Variants in PDYN observed in about 807,000 individuals in gnomAD.
The protein encoded by PDYN is prodynorphin, also known as proenkephalin-B.
A neutral mutation model predicts 11.4 loss-of-function variants in PDYN; 5 were observed. That is an observed-to-expected ratio of 0.44 (90% CI 0.23 to 0.92). The LOEUF is 0.92. PDYN is among the 40% of genes least tolerant of loss of function. PDYN has a pLI of 0.24. For missense variants in PDYN, 337 were observed against 317.3 expected (o/e 1.06, Z -0.47); for synonymous variants, 132 against 129.5 (o/e 1.02, Z -0.13).
In PDYN at chr20:1,980,501, T is replaced by C; in HGVS notation, c.587A>G (p.Asp196Gly). The C allele has an allele frequency of 6.2e-7, 1 of 1,612,714 alleles. No individual in the cohort carries two copies. Among genetic ancestry groups the C allele is most frequent in the Non-Finnish European group, 8.5e-7 (1 of 1,179,192 alleles). ...SSEVAGEGDG[D>G]SMGHEDLYKR... is the part of the protein sequence containing the mutation. ...GTACAGGTCCTCATGGCCCATGCTATCCCCGTCCCCCTCCCCAGCCACCTC... is the reference window on the plus strand; with the variant it reads ...GTACAGGTCCTCATGGCCCATGCTACCCCCGTCCCCCTCCCCAGCCACCTC... The change falls in exon 4 of 4, where the codon GAT (aspartate) becomes GGT (glycine). Residue 196 changes from aspartate to glycine, a missense_variant. By Grantham distance (94) the Asp-to-Gly change is moderately conservative. Coordinates refer to ENST00000217305, the MANE Select transcript of PDYN (RefSeq NM_024411.5).
chr20:1,993,249 G>C (rs1988528034), intron 1 of PDYN, among the ~76,000 whole-genome samples: 1 of 152,002 alleles, frequency 6.6e-6, no homozygotes, highest in Admixed American at 6.6e-5. Flanking sequence ...AAATGGACAA[G>C]AAAATGCCTG....
At chr20:1,983,172 C>G (rs945899138) in intron 2 of PDYN, 69 bp from the exon 3 acceptor site, 32 of 1,365,848 alleles carry the variant, frequency 2.3e-5, no homozygotes, top group Non-Finnish European at 3.2e-5. Context: ...TCTGAGCCCA[C>G]AAAGTCATCT....
rs754978602 is a variant in PDYN, at chr20:1,980,435, A to G, written c.653T>C (p.Leu218Pro). 4 of 1,614,024 alleles carry G rather than the reference A, an allele frequency of 2.5e-6. No homozygotes were observed. The highest frequency in any genetic ancestry group is 1.6e-4 in the Middle Eastern group (1 of 6,062). The change falls in exon 4 of 4, where the codon CTC (leucine) becomes CCC (proline). Residue 218 changes from leucine (L) to proline (P), a missense_variant. Physicochemically the swap from Leu to Pro is moderately conservative, Grantham distance 98. Coordinates refer to ENST00000217305, the MANE Select transcript of PDYN (RefSeq NM_024411.5). ...ATAGCGCTTCTGGTTGTCCCACTTG[A>G]GCTTGGGACGAATGCGCCGCAAGAA... is the stretch of plus-strand genomic sequence containing the variant. ...GGFLRRIRPK[L>P]KWDNQKRYGG...
chr20:1,982,114 G>A (rs559584781), intron 3 of PDYN, among the ~76,000 whole-genome samples: 71 of 151,668 alleles, frequency 4.7e-4, no homozygotes, highest in African/African-American at 1.2e-3. Context: ...AAAATTAGCC[G>A]GGTGTGGTGG....
At chr20:1,992,390 C>T (rs372554008) in intron 2 of PDYN, among the ~76,000 whole-genome samples, 194 bp downstream of exon 2, 3 of 152,322 alleles carry the variant, frequency 2.0e-5, no homozygotes. Context: ...GAGCTGATCC[C>T]TTTGCCTGCT....
intron 2 of PDYN, among the ~76,000 whole-genome samples, chr20:1,987,873 G>A (rs577076364): frequency 1.8e-3 from 273 of 152,326 alleles, no homozygotes; most frequent in African/African-American, 5.8e-3. Context: ...CACATAGTAG[G>A]TGCTTTGGAG....
Position 1,979,061 on chromosome 20 carries a change from A to T in PDYN, c.*1262T>A, listed in dbSNP as rs1451914143. 6.6e-6 allele frequency: 1 copy of T among 152,182 alleles called. No homozygotes were observed. The highest frequency in any genetic ancestry group is 2.4e-5 in the African/African-American group (1 of 41,432). The allele number at this position is 152,182 out of a possible 1,614,324, so 9.4% of individuals were successfully genotyped here. On this transcript the variant is annotated 3_prime_UTR_variant, in exon 4 of 4. Coordinates refer to ENST00000217305, the MANE Select transcript of PDYN (RefSeq NM_024411.5). ...CTGGGAATGAGAGAGCAAAAGAGAGACAGACAGACAGGGAGGGCTTTGATG... is the reference window on the plus strand; with the variant it reads ...CTGGGAATGAGAGAGCAAAAGAGAGTCAGACAGACAGGGAGGGCTTTGATG...
intron 2 of PDYN, among the ~76,000 whole-genome samples, chr20:1,991,305 A>G (rs1988435947): frequency 6.6e-6 from 1 of 152,152 alleles, no homozygotes. Flanking sequence ...GCATCAACAA[A>G]TTGCCTCGGT....
rs886056535 is a variant in PDYN at position 1,980,587 on chromosome 20, G to A, written c.501C>T (p.Asp167=). 1 of 1,613,968 alleles carries A rather than the reference G, an allele frequency of 6.2e-7. No homozygotes were observed. Among genetic ancestry groups the A allele is most frequent in the Non-Finnish European group, 8.5e-7 (1 of 1,180,034 alleles). Reference sequence around the variant, plus strand: ...CATAGCGTTTGACCTGCTCCTTGGGGTCCTCCTCAGCGAGATAGAGTGTGC... The same window carrying A: ...CATAGCGTTTGACCTGCTCCTTGGGATCCTCCTCAGCGAGATAGAGTGTGC... ...ETGTLYLAEE[D]PKEQVKRYGG... The change falls in exon 4 of 4, where the codon GAC becomes GAT. Residue 167 remains aspartate, a synonymous_variant. Transcript: ENST00000217305.
intron 3 of PDYN, 60 bp from the exon 4 acceptor site, chr20:1,981,018 C>T: frequency 3.1e-6 from 5 of 1,593,652 alleles, no homozygotes; most frequent in East Asian, 2.2e-5. Flanking sequence ...ACTGGTCTGC[C>T]CCAGGCTCCC....
intron 2 of PDYN, among the ~76,000 whole-genome samples, chr20:1,991,766 C>G (rs548030659): frequency 1.3e-5 from 2 of 152,084 alleles, no homozygotes; most frequent in East Asian, 3.8e-4. Context: ...CTAATAAATA[C>G]GACAATTGTG....
At chr20:1,981,311 C>A (rs1452495874) in intron 3 of PDYN, among the ~76,000 whole-genome samples, 1 of 152,166 alleles carries the variant, frequency 6.6e-6, no homozygotes, top group Admixed American at 6.5e-5. Context: ...AATACAAATT[C>A]TCTCCCAGGC....
At chr20:1,991,343 G>A (rs983410174) in intron 2 of PDYN, among the ~76,000 whole-genome samples, 3 of 152,272 alleles carry the variant, frequency 2.0e-5, no homozygotes, top group African/African-American at 4.8e-5. Flanking sequence ...GTGGCCAGCC[G>A]CTCTGGCCAG....
intron 3 of PDYN, among the ~76,000 whole-genome samples, chr20:1,982,127 G>C (rs1987853454): frequency 6.7e-6 from 1 of 149,562 alleles, no homozygotes. Context: ...TGTGGTGGTG[G>C]GTGCCCATAG....
rs1987666723 is a variant in PDYN, at chr20:1,980,410, AT to A, written c.677del (p.Tyr226LeufsTer12). 6.2e-7 allele frequency: 1 copy of A among 1,614,060 alleles called. No individual in the cohort carries two copies. Among genetic ancestry groups the A allele is most frequent in the Non-Finnish European group, 8.5e-7 (1 of 1,180,032 alleles). On this transcript the variant is annotated frameshift_variant, in exon 4 of 4. Coordinates refer to ENST00000217305, the MANE Select transcript of PDYN (RefSeq NM_024411.5). LOFTEE classifies it high-confidence loss of function. ...TGAACTGGCGCCGGAGAAAACCGCC[AT>A]AGCGCTTCTGGTTGTCCCACTTGAG... ...PKLKWDNQKR[Y>X]GGFLRRQFKV... is the part of the protein sequence containing the mutation.
intron 1 of PDYN, among the ~76,000 whole-genome samples, chr20:1,993,052 C>CTTTTTTTT (rs57340342): frequency 8.7e-6 from 1 of 115,446 alleles, no homozygotes; most frequent in Non-Finnish European, 1.8e-5. Flanking sequence ...AGTCAGCAGG[C>CTTTTTTTT]TTTTTTTTTT....
chr20:1,981,579 G>A (rs1020166186), intron 3 of PDYN, among the ~76,000 whole-genome samples: 3 of 152,080 alleles, frequency 2.0e-5, no homozygotes, highest in East Asian at 1.9e-4. Context: ...GATTGGGCAC[G>A]GGCAGGACCT....
chr20:1,986,653 TC>T (rs1252712659), intron 2 of PDYN, among the ~76,000 whole-genome samples: 1 of 152,160 alleles, frequency 6.6e-6, no homozygotes, highest in Non-Finnish European at 1.5e-5. Flanking sequence ...ACTAATATTC[TC>T]CCCATTTATG....
chr20:1,980,836 G>T lies in PDYN; in HGVS notation c.252C>A (p.Ser84Arg). 6.2e-7 allele frequency: 1 copy of T among 1,614,192 alleles called. No individual in the cohort carries two copies. Among genetic ancestry groups the T allele is most frequent in the Non-Finnish European group, 8.5e-7 (1 of 1,180,032 alleles). ...TGTAGGGCCCTTCCCCAACCGACTT[G>T]CTCCCCAAGTCCTCCTTGTCATTGA... is the stretch of plus-strand genomic sequence containing the variant. ...LGLNDKEDLG[S>R]KSVGEGPYSE... The change falls in exon 4 of 4, where the codon AGC becomes AGA. Residue 84 changes from serine (S) to arginine (R), a missense_variant. Transcript: ENST00000217305.
Sources: gnomAD v4.1 joint callset for allele counts (sites outside exome capture counted in the v4.1 genomes callset) on GRCh38, gnomAD v4.1.1 for gene constraint, MANE v1.5 for transcripts, NCBI Gene and HGNC (gene_info 2026-07-23, HGNC 2026-07-21) for gene names.